Variants in KMT2C observed in about 807,000 individuals in gnomAD.
The protein encoded by KMT2C is lysine methyltransferase 2C, also known as histone-lysine N-methyltransferase 2C.
In KMT2C, 88 loss-of-function variants were observed where a neutral mutation model predicts 507.9. The ratio of observed to expected loss-of-function variants is 0.17; its 90% confidence interval spans 0.15 to 0.21. KMT2C has a LOEUF of 0.21. Among genes scored for constraint, KMT2C ranks in the 10% least tolerant of loss-of-function variants. The probability of loss-of-function intolerance (pLI) is 1.00; values close to 1 mark genes in which losing one functional copy is unlikely to be tolerated. For missense variants in KMT2C, 4,954 were observed against 5,957.8 expected (o/e 0.83, Z 5.55); for synonymous variants, 2,049 against 2,080.8 (o/e 0.98, Z 0.42).
chr7:152,299,274 C>T (rs1258372749), intron 6 of KMT2C, among the ~76,000 whole-genome samples: 12 of 151,766 alleles, frequency 7.9e-5, no homozygotes, highest in East Asian at 5.8e-4. Context: ...GCCGAGATAG[C>T]GCCACTGCAC....
Position 152,205,236 on chromosome 7 carries a change from A to C in KMT2C, c.3842-11T>G. 1.2e-6 allele frequency: 2 copies of C among 1,610,180 alleles called. No individual in the cohort carries two copies. The highest frequency in any genetic ancestry group is 1.7e-6 in the Non-Finnish European group (2 of 1,178,322). On this transcript the variant is annotated splice_polypyrimidine_tract_variant and intron_variant, in intron 24 of 58. Coordinates refer to ENST00000262189, the MANE Select transcript of KMT2C (RefSeq NM_170606.3). ...TAAATCCACCAATACCTATCCAAAA[A>C]AGAAATTAGGTAAACTGATAAGTAA...
intron 41 of KMT2C, 64 bp downstream of exon 41, chr7:152,169,122 C>A: frequency 9.6e-7 from 1 of 1,041,952 alleles, no homozygotes; most frequent in African/African-American, 1.6e-5. Flanking sequence ...AGGTTTAGAA[C>A]AGCACACATA....
intron 2 of KMT2C, among the ~76,000 whole-genome samples, chr7:152,348,599 T>TAAAAAAAAAA (rs201530125): frequency 6.3e-4 from 31 of 48,992 alleles, no homozygotes; most frequent in South Asian, 1.5e-3. Context: ...AACTCTGTCT[T>TAAAAAAAAAA]AAAAAAAAAA....
chr7:152,212,161 A>G (rs540071481), intron 23 of KMT2C, among the ~76,000 whole-genome samples: 1 of 152,322 alleles, frequency 6.6e-6, no homozygotes, highest in Admixed American at 6.5e-5. Context: ...CCATATATAC[A>G]TACTTGTATC....
intron 3 of KMT2C, among the ~76,000 whole-genome samples, chr7:152,317,442 T>C (rs2129203876): frequency 6.6e-6 from 1 of 152,284 alleles, no homozygotes; most frequent in African/African-American, 2.4e-5. Flanking sequence ...TTCACTTTTC[T>C]GAAACCCATC....
At chr7:152,386,509 C>A (rs34053137) in intron 1 of KMT2C, among the ~76,000 whole-genome samples, 1 of 152,142 alleles carries the variant, frequency 6.6e-6, no homozygotes, top group African/African-American at 2.4e-5. Flanking sequence ...CATTTCCCAG[C>A]TTCCCTTTCA....
chr7:152,240,899 C>A (rs1429038310), intron 14 of KMT2C, among the ~76,000 whole-genome samples: 2 of 152,228 alleles, frequency 1.3e-5, no homozygotes, highest in Non-Finnish European at 2.9e-5. Context: ...TCCGACCCTG[C>A]ATCTACTGAA....
At chr7:152,433,699 ATTT>A (rs1202351544) in intron 1 of KMT2C, among the ~76,000 whole-genome samples, 5 of 152,242 alleles carry the variant, frequency 3.3e-5, no homozygotes, top group East Asian at 3.8e-4. Context: ...TTCAGCAGAA[ATTT>A]TTTATCTTCT....
At position 152,263,001 on chromosome 7, in the gene KMT2C, A is replaced by C. The variant is rs180949226; in HGVS notation, c.1299+15T>G. The C allele has an allele frequency of 3.0e-4, 471 of 1,578,050 alleles. 6 individuals are homozygous for C. In the East Asian group the frequency reaches 8.5e-3, roughly 28 times the overall value. ...ATAGAGAGGATTTAAAAAAATAAATAAATAAACAACTTACTTTGCATTTCC... is the reference window on the plus strand; with the variant it reads ...ATAGAGAGGATTTAAAAAAATAAATCAATAAACAACTTACTTTGCATTTCC... On this transcript the variant is annotated intron_variant, in intron 9 of 58. Coordinates refer to ENST00000262189, the MANE Select transcript of KMT2C (RefSeq NM_170606.3).
At chr7:152,196,595 A>G (rs1441891634) in intron 27 of KMT2C, among the ~76,000 whole-genome samples, 1 of 152,252 alleles carries the variant, frequency 6.6e-6, no homozygotes, top group Non-Finnish European at 1.5e-5. Flanking sequence ...CTCAGTAATG[A>G]CTGAAACAAA....
chr7:152,251,910 AT>A, intron 11 of KMT2C, 28 bp downstream of exon 11: 1 of 1,550,234 alleles, frequency 6.5e-7, no homozygotes. Context: ...AAAACAAAAA[AT>A]TTAAAAAAAA....
chr7:152,274,666 T>C (rs1251756339), intron 6 of KMT2C, among the ~76,000 whole-genome samples: 1 of 152,250 alleles, frequency 6.6e-6, no homozygotes, highest in African/African-American at 2.4e-5. Flanking sequence ...TGAGCATCAT[T>C]TTCTTTGAAG....
In KMT2C at chr7:152,176,964, T is replaced by G. The variant is rs1277610922; in HGVS notation, c.8489A>C (p.Asn2830Thr). Reference protein sequence around the residue: ...NEVKTEVLSPNSKVESKCETE... With the variant: ...NEVKTEVLSPTSKVESKCETE... ...TTCACATTTGGATTCCACCTTAGAA[T>G]TTGGAGACAGTACTTCCGTTTTTAC... The change falls in exon 38 of 59, where the codon AAT becomes ACT. Residue 2830 changes from asparagine (N) to threonine (T), a missense_variant. Around this residue, in one of 29 missense-constraint regions of KMT2C, gnomAD observed 1,689 missense variants for 1,654.3 expected, o/e 1.02. Coordinates refer to ENST00000262189, the MANE Select transcript of KMT2C (RefSeq NM_170606.3). 6.2e-7 allele frequency: 1 copy of G among 1,614,198 alleles called. No homozygotes were observed. The highest frequency in any genetic ancestry group is 8.5e-7 in the Non-Finnish European group (1 of 1,180,024).
chr7:152,179,826 A>G lies in KMT2C; in HGVS notation c.7442+8T>C, dbSNP rs1453186970. 1 of 1,610,628 alleles carries G rather than the reference A, an allele frequency of 6.2e-7. No individual in the cohort carries two copies. Among genetic ancestry groups the G allele is most frequent in the Non-Finnish European group, 8.5e-7 (1 of 1,178,244 alleles). On this transcript the variant is annotated splice_region_variant and intron_variant, in intron 37 of 58. Coordinates refer to ENST00000262189, the MANE Select transcript of KMT2C (RefSeq NM_170606.3). ...AATTTAAATTCGGCAGGAAATTAAA[A>G]GCATTACCTAAATCCATGAGGTCTC...
chr7:152,428,264 G>A (rs942111017), intron 1 of KMT2C, among the ~76,000 whole-genome samples: 15 of 151,900 alleles, frequency 9.9e-5, no homozygotes, highest in African/African-American at 3.1e-4. Context: ...AAGTATAGGC[G>A]CAAATACCGT....
At chr7:152,347,845 A>AT (rs1011967496) in intron 2 of KMT2C, among the ~76,000 whole-genome samples, 10 of 152,052 alleles carry the variant, frequency 6.6e-5, no homozygotes, top group Admixed American at 1.3e-4. Context: ...CCATCTACGC[A>AT]TTTTTTCAAA....
Position 152,251,004 on chromosome 7 carries a change from GT to G in KMT2C, c.1622-39del, listed in dbSNP as rs746311623. On this transcript the variant is annotated intron_variant, in intron 11 of 58. Coordinates refer to ENST00000262189, the MANE Select transcript of KMT2C (RefSeq NM_170606.3). ...TTATTAATTCTTTAGCTCAGAATGA[GT>G]TTTTTTCTTTGTTCATTAAGTCAAC... is the stretch of plus-strand genomic sequence containing the variant. 27 of 1,188,784 alleles carry G rather than the reference GT, an allele frequency of 2.3e-5. No homozygotes were observed. The East Asian group carries it at 4.7e-4, about 21-fold the overall frequency. The allele number at this position is 1,188,784 out of a possible 1,614,324, so 73.6% of individuals were successfully genotyped here.
intron 1 of KMT2C, among the ~76,000 whole-genome samples, chr7:152,410,693 GTATATATAA>G (rs2097673457): frequency 6.7e-6 from 1 of 149,260 alleles, no homozygotes; most frequent in Admixed American, 6.7e-5. Flanking sequence ...TATATGAGAT[GTATATATAA>G]TATATACATC....
intron 3 of KMT2C, among the ~76,000 whole-genome samples, chr7:152,317,073 G>T (rs1318409115): frequency 6.6e-6 from 1 of 152,084 alleles, no homozygotes; most frequent in Non-Finnish European, 1.5e-5. Context: ...GCACTGATTA[G>T]AAAATGGAGC....
Sources: gnomAD v4.1 joint callset for allele counts (sites outside exome capture counted in the v4.1 genomes callset) on GRCh38, gnomAD v4.1.1 for gene constraint, gnomAD v4.1.1 regional missense constraint, MANE v1.5 for transcripts, NCBI Gene and HGNC (gene_info 2026-07-23, HGNC 2026-07-21) for gene names.